The following VSIG10 variants were observed in gnomAD, a reference collection of about 807,000 sequenced individuals.
VSIG10 encodes V-set and immunoglobulin domain-containing protein 10.
Under a neutral mutation model 58.7 loss-of-function variants are expected in VSIG10, and 48 were observed. The observed-to-expected ratio is 0.82, with a 90% confidence interval of 0.65 to 1.04. VSIG10 has a LOEUF of 1.04. VSIG10 is among the 50% of genes least tolerant of loss of function. The pLI is 0.00. For synonymous variants in VSIG10, 260 were observed against 267.1 expected (o/e 0.97, Z 0.26); for missense variants, 628 against 670.0 (o/e 0.94, Z 0.69).
rs1289070895 is a variant in VSIG10 at position 118,082,056 on chromosome 12, C to T, written c.664+71G>A. 9.8e-6 allele frequency: 12 copies of T among 1,227,622 alleles called. No individual in the cohort carries two copies. In the South Asian group the frequency reaches 1.3e-4, roughly 14 times the overall value. 76.0% of individuals were successfully genotyped at this position (1,227,622 alleles called of 1,614,324 possible). On this transcript the variant is annotated intron_variant, in intron 3 of 8. Coordinates refer to ENST00000359236, the MANE Select transcript of VSIG10 (RefSeq NM_019086.6). ...AAAAAAAAGACAAATGGGAGAGGCA[C>T]AAACGTGCAGTTCATAAGTTCACAA...
At chr12:118,081,776 G>A (rs111406496) in intron 3 of VSIG10, among the ~76,000 whole-genome samples, 3,890 of 152,234 alleles carry the variant, frequency 0.026, 72 homozygotes, top group Middle Eastern at 0.085. Context: ...CAGCACTATG[G>A]GAAGCCAAGG....
In VSIG10 at chr12:118,068,459, AG is replaced by A; in HGVS notation, c.1484del (p.Pro495LeufsTer9). ...REREELPKEIPKQDHIHRVTA... is the reference protein window; with the variant it reads ...REREELPKEIXKQDHIHRVTA... Reference sequence around the variant, plus strand: ...TCACTCTGTGAATGTGGTCCTGCTTAGGTATTTCTTTTGGCAACTCCTCTCT... The same window carrying A: ...TCACTCTGTGAATGTGGTCCTGCTTAGTATTTCTTTTGGCAACTCCTCTCT... On this transcript the variant is annotated frameshift_variant, in exon 8 of 9. Transcript: ENST00000359236. LOFTEE classifies it high-confidence loss of function. The A allele has an allele frequency of 6.2e-7, 1 of 1,613,736 alleles. No homozygotes were observed. The highest frequency in any genetic ancestry group is 2.2e-5 in the East Asian group (1 of 44,860).
rs1309676030 is a variant in VSIG10 at position 118,064,757 on chromosome 12, A to T, written c.*1882T>A. ...TCTTGAGCTCCCCAGTGTTCTGAGC[A>T]GGGGACAGGGCATACTTCTAGTGAT... On this transcript the variant is annotated 3_prime_UTR_variant, in exon 9 of 9. Transcript: ENST00000359236. The T allele has an allele frequency of 6.6e-6, 1 of 152,234 alleles. No individual in the cohort carries two copies. Among genetic ancestry groups the T allele is most frequent in the Non-Finnish European group, 1.5e-5 (1 of 68,050 alleles). 9.4% of individuals were successfully genotyped at this position (152,234 alleles called of 1,614,324 possible).
chr12:118,103,815 G>A lies in VSIG10; in HGVS notation c.-144C>T. 3 of 793,080 alleles carry A rather than the reference G, an allele frequency of 3.8e-6. No homozygotes were observed. Among genetic ancestry groups the A allele is most frequent in the Non-Finnish European group, 5.4e-6 (3 of 550,652 alleles). 49.1% of individuals were successfully genotyped at this position (793,080 alleles called of 1,614,324 possible). Reference sequence around the variant, plus strand: ...GCCCCACTTCCTCGGCCCCCAGGAAGGATGCTTGGCTGAGCCGAGTGTCCA... The same window carrying A: ...GCCCCACTTCCTCGGCCCCCAGGAAAGATGCTTGGCTGAGCCGAGTGTCCA... On this transcript the variant is annotated 5_prime_UTR_variant, in exon 1 of 9. Transcript: ENST00000359236.
At chr12:118,095,336 C>T (rs896707144) in intron 2 of VSIG10, among the ~76,000 whole-genome samples, 197 bp downstream of exon 2, 3 of 152,184 alleles carry the variant, frequency 2.0e-5, no homozygotes, top group Admixed American at 6.5e-5. Flanking sequence ...CCACTGCGCC[C>T]GGCCACAGAA....
At chr12:118,078,198 G>A (rs748976530) in intron 4 of VSIG10, among the ~76,000 whole-genome samples, 7 of 152,162 alleles carry the variant, frequency 4.6e-5, no homozygotes, top group African/African-American at 9.6e-5. Flanking sequence ...TCACTCCATC[G>A]CCCAGGCTGG....
intron 7 of VSIG10, among the ~76,000 whole-genome samples, chr12:118,070,100 C>G (rs972073761): frequency 1.3e-5 from 2 of 152,156 alleles, no homozygotes; most frequent in African/African-American, 4.8e-5. Flanking sequence ...AGGTAAAGAA[C>G]TGTTTTTCCA....
intron 1 of VSIG10, among the ~76,000 whole-genome samples, chr12:118,101,129 C>T (rs1292047702): frequency 6.6e-6 from 1 of 152,188 alleles, no homozygotes; most frequent in Non-Finnish European, 1.5e-5. Flanking sequence ...TGGCTTACTC[C>T]GTTCTTTTTT....
chr12:118,095,493 G>A (rs771766260), intron 2 of VSIG10, 40 bp downstream of exon 2: 155 of 1,607,980 alleles, frequency 9.6e-5, no homozygotes, highest in Non-Finnish European at 1.3e-4. Flanking sequence ...CCAAGGCTCC[G>A]AGCACCTCTC....
intron 5 of VSIG10, 142 bp downstream of exon 5, chr12:118,073,557 G>T: frequency 1.0e-6 from 1 of 966,538 alleles, no homozygotes; most frequent in Non-Finnish European, 1.5e-6. Context: ...CAGCCACCTT[G>T]TCAAGTCATA....
At chr12:118,097,401 G>C (rs950660232) in intron 1 of VSIG10, among the ~76,000 whole-genome samples, 7 of 152,186 alleles carry the variant, frequency 4.6e-5, no homozygotes, top group Non-Finnish European at 7.3e-5. Context: ...TTTCACTTGA[G>C]GCCAGGAGTT....
chr12:118,082,116 TGCTTACGCACA>T lies in VSIG10; in HGVS notation c.664_664+10del, dbSNP rs1566166561. The T allele has an allele frequency of 6.2e-7, 1 of 1,609,316 alleles. No homozygotes were observed. The highest frequency in any genetic ancestry group is 2.2e-5 in the East Asian group (1 of 44,754). On this transcript the variant is annotated splice_donor_variant and splice_donor_5th_base_variant and coding_sequence_variant and intron_variant, in exon 3 of 9. Coordinates refer to ENST00000359236, the MANE Select transcript of VSIG10 (RefSeq NM_019086.6). LOFTEE classifies it high-confidence loss of function. ...GGGAAGAAGCGGGGCAGAGGAGTGC[TGCTTACGCACA>T]GTAGACCAGGAGCTCGGTGGTCACC...
At chr12:118,085,387 C>T (rs2033090951) in intron 2 of VSIG10, among the ~76,000 whole-genome samples, 1 of 152,186 alleles carries the variant, frequency 6.6e-6, no homozygotes, top group South Asian at 2.1e-4. Flanking sequence ...CCTCATTGCT[C>T]ACGTGCGAGC....
intron 2 of VSIG10, among the ~76,000 whole-genome samples, chr12:118,085,160 A>C (rs1232011126): frequency 6.6e-6 from 1 of 152,190 alleles, no homozygotes; most frequent in Non-Finnish European, 1.5e-5. Flanking sequence ...AGGGGCCTAC[A>C]CTGTGAGAAG....
chr12:118,085,991 T>C (rs1005083756), intron 2 of VSIG10, among the ~76,000 whole-genome samples: 3 of 147,884 alleles, frequency 2.0e-5, no homozygotes, highest in African/African-American at 7.6e-5. Flanking sequence ...AACCCTGTCT[T>C]TTCTAAAAAT....
chr12:118,075,234 A>G lies in VSIG10; in HGVS notation c.926-1242T>C, dbSNP rs934071316. On this transcript the variant is annotated intron_variant, in intron 4 of 8. Transcript: ENST00000359236. ...TATATGTGTGTGTGTGTATATATAT[A>G]TATAGGGTTCAGTGCTACCCATGGC... is the stretch of plus-strand genomic sequence containing the variant. 2.6e-5 allele frequency among the ~76,000 whole-genome samples: 4 copies of G among 151,490 alleles called. No individual in the cohort carries two copies. The Admixed American group carries it at 2.6e-4, about 10-fold the overall frequency.
chr12:118,090,186 A>G (rs1044042671), intron 2 of VSIG10, among the ~76,000 whole-genome samples: 1 of 151,974 alleles, frequency 6.6e-6, no homozygotes, highest in Non-Finnish European at 1.5e-5. Flanking sequence ...TGGTGGTGCG[A>G]GCCAGCTACC....
rs554032959 is a variant in VSIG10, at chr12:118,079,710, C to T, written c.665-104G>A. 3 of 1,478,914 alleles carry T rather than the reference C, an allele frequency of 2.0e-6. No individual in the cohort carries two copies. The African/African-American group carries it at 4.2e-5, about 21-fold the overall frequency. 91.6% of individuals were successfully genotyped at this position (1,478,914 alleles called of 1,614,324 possible). On this transcript the variant is annotated intron_variant, in intron 3 of 8. Transcript: ENST00000359236. ...AACCAGGGTCTCAGAGGGACATCAA[C>T]CCCAGTTAGTGTTAGCATCTAATAG...
In VSIG10 at chr12:118,076,999, C is replaced by T. The variant is rs537749163; in HGVS notation, c.925+2347G>A. On this transcript the variant is annotated intron_variant, in intron 4 of 8. Transcript: ENST00000359236. ...AAGAAAGACATCAGTCATTGGATTA[C>T]AGCCTACTCTAATCCACTATGACCT... is the stretch of plus-strand genomic sequence containing the variant. Among the ~76,000 whole-genome samples, 19 of 152,292 alleles carry T rather than the reference C, an allele frequency of 1.2e-4. No individual in the cohort carries two copies. In the East Asian group the frequency reaches 3.1e-3, roughly 25 times the overall value.
Sources: allele counts gnomAD v4.1 joint callset (sites outside exome capture counted in the v4.1 genomes callset), GRCh38; gene constraint gnomAD v4.1.1; transcripts MANE v1.5; gene names NCBI Gene and HGNC (gene_info 2026-07-23, HGNC 2026-07-21).